PRKCH: variants seen among roughly 807,000 people sequenced by gnomAD.
The protein encoded by PRKCH is protein kinase C eta type.
In PRKCH, 28 loss-of-function variants were observed where a neutral mutation model predicts 82.5. The observed-to-expected ratio is 0.34, with a 90% confidence interval of 0.25 to 0.47. The LOEUF is 0.47. PRKCH is among the 20% of genes least tolerant of loss of function. PRKCH has a pLI of 1.00. For synonymous variants in PRKCH, 322 were observed against 327.4 expected (o/e 0.98, Z 0.18); for missense variants, 705 against 881.8 (o/e 0.80, Z 2.54).
chr14:61,199,397 G>A (rs2044462769), intron 1 of PRKCH, among the ~76,000 whole-genome samples: 1 of 152,152 alleles, frequency 6.6e-6, no homozygotes, highest in African/African-American at 2.4e-5. Flanking sequence ...TTTGCTCCCT[G>A]GAGAGGCTAA....
intron 2 of PRKCH, among the ~76,000 whole-genome samples, chr14:61,421,633 A>G (rs751818734): frequency 5.3e-5 from 8 of 152,074 alleles, no homozygotes; most frequent in Non-Finnish European, 1.0e-4. Context: ...GTAGTGTACT[A>G]CTTGTAGGTA....
At chr14:61,512,756 A>ACACATTAGT (rs1887432515) in intron 10 of PRKCH, among the ~76,000 whole-genome samples, 1 of 152,144 alleles carries the variant, frequency 6.6e-6, no homozygotes, top group African/African-American at 2.4e-5. Context: ...CACCAGCCAC[A>ACACATTAGT]CACATTAGTC....
chr14:61,477,906 C>A (rs1350705853), intron 9 of PRKCH, among the ~76,000 whole-genome samples: 4 of 152,166 alleles, frequency 2.6e-5, no homozygotes, highest in Non-Finnish European at 4.4e-5. Flanking sequence ...GTTTCGGCTG[C>A]TGTTTCATTC....
intron 1 of PRKCH, among the ~76,000 whole-genome samples, chr14:61,379,552 G>A (rs2046470506): frequency 6.6e-6 from 1 of 152,234 alleles, no homozygotes; most frequent in Non-Finnish European, 1.5e-5. Context: ...TACAATGGAT[G>A]ATGAGAATCA....
chr14:61,438,815 G>A (rs981626300), intron 2 of PRKCH, among the ~76,000 whole-genome samples: 1 of 152,208 alleles, frequency 6.6e-6, no homozygotes, highest in African/African-American at 2.4e-5. Context: ...TGACAGTCCA[G>A]TTTTATGAAA....
chr14:61,236,404 A>G (rs576662275), intron 1 of PRKCH, among the ~76,000 whole-genome samples: 156 of 152,184 alleles, frequency 1.0e-3, no homozygotes, highest in Admixed American at 3.7e-3. Flanking sequence ...CTGATAAAAC[A>G]GGTTGCAGTA....
chr14:61,447,936 A>G (rs1884304410), intron 4 of PRKCH, among the ~76,000 whole-genome samples: 1 of 152,214 alleles, frequency 6.6e-6, no homozygotes, highest in African/African-American at 2.4e-5. Flanking sequence ...AAAAGAAATA[A>G]TACAATTAGA....
At chr14:61,496,048 C>G (rs1319609710) in intron 10 of PRKCH, among the ~76,000 whole-genome samples, 1 of 152,208 alleles carries the variant, frequency 6.6e-6, no homozygotes. Context: ...TAGGCCAAGT[C>G]CTTGGAGGGA....
At chr14:61,440,155 A>C (rs1679318464) in intron 2 of PRKCH, among the ~76,000 whole-genome samples, 1 of 152,180 alleles carries the variant, frequency 6.6e-6, no homozygotes. Context: ...CCATTAGCCT[A>C]ATTTTGTCAT....
At chr14:61,242,296 A>T (rs2044846122) in intron 1 of PRKCH, among the ~76,000 whole-genome samples, 1 of 152,178 alleles carries the variant, frequency 6.6e-6, no homozygotes, top group African/African-American at 2.4e-5. Context: ...CCCCAGTGAC[A>T]TCAGTTTGGA....
intron 10 of PRKCH, among the ~76,000 whole-genome samples, chr14:61,522,380 G>T (rs1244120090): frequency 6.6e-6 from 1 of 152,040 alleles, no homozygotes; most frequent in African/African-American, 2.4e-5. Context: ...GGTTTATTGG[G>T]CTAAAGACTG....
chr14:61,295,563 G>C (rs1019369042), intron 1 of PRKCH, among the ~76,000 whole-genome samples: 5 of 152,222 alleles, frequency 3.3e-5, no homozygotes, highest in Admixed American at 6.5e-5. Flanking sequence ...GTAACATGAA[G>C]GATGGTAGTG....
At chr14:61,250,041 CTT>C (rs2044929278) in intron 1 of PRKCH, among the ~76,000 whole-genome samples, 1 of 148,996 alleles carries the variant, frequency 6.7e-6, no homozygotes, top group Admixed American at 6.7e-5. Flanking sequence ...GGGTGGATCA[CTT>C]GAGGTCAGGA....
intron 10 of PRKCH, among the ~76,000 whole-genome samples, chr14:61,507,849 A>G (rs1887218179): frequency 1.3e-5 from 2 of 152,126 alleles, no homozygotes; most frequent in South Asian, 2.1e-4. Flanking sequence ...TGGAAATCCT[A>G]CTGTACAACA....
intron 2 of PRKCH, among the ~76,000 whole-genome samples, chr14:61,404,459 A>G (rs1881828477): frequency 6.7e-6 from 1 of 149,826 alleles, no homozygotes; most frequent in African/African-American, 2.5e-5. Flanking sequence ...CCATCCATCC[A>G]TCCATCCACC....
At chr14:61,327,087 G>A (rs1241326555) in intron 1 of PRKCH, 1 of 456,014 alleles carries the variant, frequency 2.2e-6, no homozygotes, top group Admixed American at 2.3e-5. Context: ...GACTGGCTTG[G>A]CAGGATCCCA....
At chr14:61,539,481 C>T (rs1228818813) in intron 12 of PRKCH, among the ~76,000 whole-genome samples, 1 of 152,184 alleles carries the variant, frequency 6.6e-6, no homozygotes, top group Non-Finnish European at 1.5e-5. Context: ...AGATATCGCA[C>T]AGAATATTCT....
intron 2 of PRKCH, among the ~76,000 whole-genome samples, chr14:61,419,104 A>G (rs1039935468): frequency 2.0e-5 from 3 of 152,216 alleles, no homozygotes; most frequent in African/African-American, 4.8e-5. Context: ...TAATAGAAAT[A>G]AAGACAGAGT....
chr14:61,432,198 T>A (rs928318560), intron 2 of PRKCH, among the ~76,000 whole-genome samples: 3 of 152,190 alleles, frequency 2.0e-5, no homozygotes. Context: ...CTCCAGTCAC[T>A]TTCCTCCTGG....
Sources: allele counts gnomAD v4.1 joint callset (sites outside exome capture counted in the v4.1 genomes callset), GRCh38; gene constraint gnomAD v4.1.1; transcripts MANE v1.5; gene names NCBI Gene and HGNC (gene_info 2026-07-23, HGNC 2026-07-21).